GSK3B: variants seen among roughly 807,000 people sequenced by gnomAD.
The protein encoded by GSK3B is glycogen synthase kinase-3 beta.
A neutral mutation model predicts 56.4 loss-of-function variants in GSK3B; 15 were observed. The ratio of observed to expected loss-of-function variants is 0.27; its 90% CI spans 0.18 to 0.41. The LOEUF (loss-of-function observed/expected upper bound fraction) is 0.41, where lower values mean the gene tolerates loss of function less well. Among genes scored for constraint, GSK3B ranks in the 10% least tolerant of loss-of-function variants. The pLI, the probability that GSK3B is intolerant of heterozygous loss-of-function variation, is 1.00. For synonymous variants in GSK3B, 181 were observed against 188.9 expected (o/e 0.96, Z 0.34); for missense variants, 300 against 513.4 (o/e 0.58, Z 4.02).
chr3:119,845,681 A>G (rs2055845326), intron 9 of GSK3B, among the ~76,000 whole-genome samples: 1 of 152,224 alleles, frequency 6.6e-6, no homozygotes, highest in Non-Finnish European at 1.5e-5. Context: ...AAATGGAAAA[A>G]CATTACATGC....
intron 2 of GSK3B, among the ~76,000 whole-genome samples, chr3:119,955,277 A>T (rs1398312731): frequency 1.3e-5 from 2 of 151,798 alleles, no homozygotes; most frequent in East Asian, 1.9e-4. Flanking sequence ...CCATTTGCAC[A>T]AGTATATTTT....
At chr3:120,060,267 C>T (rs145300970) in intron 1 of GSK3B, among the ~76,000 whole-genome samples, 16 of 151,886 alleles carry the variant, frequency 1.1e-4, no homozygotes, top group Non-Finnish European at 8.8e-5. Context: ...CAACAGCTGC[C>T]GATTTTTTTA....
intron 1 of GSK3B, among the ~76,000 whole-genome samples, chr3:120,079,320 A>G (rs1290802489): frequency 1.6e-5 from 2 of 121,524 alleles, no homozygotes; most frequent in African/African-American, 6.0e-5. Flanking sequence ...ACACACACAC[A>G]CACACACACA....
intron 9 of GSK3B, among the ~76,000 whole-genome samples, chr3:119,862,689 A>C (rs1452228899): frequency 1.5e-5 from 1 of 65,688 alleles, no homozygotes; most frequent in Non-Finnish European, 3.3e-5. Context: ...TTTTTTTTGT[A>C]ATGAATTGTA....
At chr3:120,012,630 G>A (rs958932918) in intron 1 of GSK3B, among the ~76,000 whole-genome samples, 3 of 152,084 alleles carry the variant, frequency 2.0e-5, no homozygotes, top group Non-Finnish European at 2.9e-5. Context: ...ATGAAAAGAC[G>A]GTATACAACA....
intron 1 of GSK3B, among the ~76,000 whole-genome samples, chr3:120,045,290 G>A (rs958037802): frequency 6.6e-6 from 1 of 152,140 alleles, no homozygotes; most frequent in African/African-American, 2.4e-5. Context: ...TAACTTCCTT[G>A]TTCTTTGTTC....
At chr3:120,020,734 G>A (rs1220575125) in intron 1 of GSK3B, among the ~76,000 whole-genome samples, 1 of 152,160 alleles carries the variant, frequency 6.6e-6, no homozygotes, top group African/African-American at 2.4e-5. Flanking sequence ...TAAATCAAAA[G>A]CTAGAAGTAA....
At position 119,863,412 on chromosome 3, in the gene GSK3B, G is replaced by T; in HGVS notation, c.1096+7C>A. ...AACTGGTGAAGAGGCTAAGTGTTTGGAGTTACCTTGAGTGGTGAAGTTGAA... is the reference window on the plus strand; with the variant it reads ...AACTGGTGAAGAGGCTAAGTGTTTGTAGTTACCTTGAGTGGTGAAGTTGAA... On this transcript the variant is annotated splice_region_variant and intron_variant, in intron 9 of 10. Coordinates refer to ENST00000264235, the MANE Select transcript of GSK3B (RefSeq NM_001146156.2). 6.2e-7 allele frequency: 1 copy of T among 1,609,192 alleles called. No individual in the cohort carries two copies. Among genetic ancestry groups the T allele is most frequent in the Admixed American group, 1.7e-5 (1 of 60,020 alleles).
chr3:120,068,817 T>C (rs1221557066), intron 1 of GSK3B, among the ~76,000 whole-genome samples: 1 of 151,890 alleles, frequency 6.6e-6, no homozygotes, highest in Non-Finnish European at 1.5e-5. Context: ...ATACAGTGGT[T>C]TATTAAACTA....
chr3:119,955,204 A>T (rs2057199684), intron 2 of GSK3B, among the ~76,000 whole-genome samples: 1 of 151,864 alleles, frequency 6.6e-6, no homozygotes, highest in Non-Finnish European at 1.5e-5. Flanking sequence ...ATTTCACAGT[A>T]AATTCAGTTG....
At chr3:120,063,516 C>A (rs1450628091) in intron 1 of GSK3B, among the ~76,000 whole-genome samples, 1 of 152,094 alleles carries the variant, frequency 6.6e-6, no homozygotes, top group Non-Finnish European at 1.5e-5. Context: ...CACCTGAGGT[C>A]AGGAGGTAGA....
chr3:119,862,671 T>G (rs1577322802), intron 9 of GSK3B, among the ~76,000 whole-genome samples: 1 of 140,036 alleles, frequency 7.1e-6, no homozygotes, highest in East Asian at 2.0e-4. Flanking sequence ...TTTCTTGTTT[T>G]TTTTTTTTTT....
chr3:119,933,121 A>G (rs1172625671), intron 3 of GSK3B, among the ~76,000 whole-genome samples: 3 of 152,248 alleles, frequency 2.0e-5, no homozygotes, highest in Non-Finnish European at 2.9e-5. Context: ...GGAAATACGC[A>G]TTAACAGATG....
At chr3:119,876,341 T>C in intron 8 of GSK3B, 72 bp downstream of exon 8, 1 of 809,922 alleles carries the variant, frequency 1.2e-6, no homozygotes, top group Non-Finnish European at 2.2e-6. Context: ...GATCTCAAAA[T>C]AGTTTAAGAA....
At chr3:120,074,828 CCAAACTTTTTAAGAATACCAA>C (rs1451029409) in intron 1 of GSK3B, among the ~76,000 whole-genome samples, 2 of 152,126 alleles carry the variant, frequency 1.3e-5, no homozygotes, top group African/African-American at 4.8e-5. Flanking sequence ...CTTAATTCTA[CCAAACTTTTTAAGAATACCAA>C]TACTACTTAA....
chr3:120,038,513 G>A (rs960876317), intron 1 of GSK3B, among the ~76,000 whole-genome samples: 1 of 152,046 alleles, frequency 6.6e-6, no homozygotes, highest in Non-Finnish European at 1.5e-5. Flanking sequence ...AGGCAAGAGT[G>A]AGACTCTGTC....
intron 2 of GSK3B, among the ~76,000 whole-genome samples, chr3:119,986,775 G>C (rs2057520475): frequency 6.6e-6 from 1 of 152,094 alleles, no homozygotes; most frequent in Non-Finnish European, 1.5e-5. Context: ...GACAGTATGG[G>C]GATTCCTCAA....
intron 7 of GSK3B, among the ~76,000 whole-genome samples, chr3:119,881,428 T>C (rs895674953): frequency 2.0e-5 from 3 of 152,228 alleles, no homozygotes; most frequent in African/African-American, 7.2e-5. Flanking sequence ...TGTAGTTACA[T>C]GAATATTTAC....
intron 10 of GSK3B, among the ~76,000 whole-genome samples, chr3:119,837,578 A>G (rs912683230): frequency 1.3e-5 from 2 of 152,110 alleles, no homozygotes; most frequent in Non-Finnish European, 2.9e-5. Context: ...TAGATAATGA[A>G]AGGTGAACTG....
Sources: allele counts gnomAD v4.1 joint callset (sites outside exome capture counted in the v4.1 genomes callset), GRCh38; gene constraint gnomAD v4.1.1; transcripts MANE v1.5; gene names NCBI Gene and HGNC (gene_info 2026-07-23, HGNC 2026-07-21).